OTOP3: variants seen among roughly 807,000 people sequenced by gnomAD.
The protein encoded by OTOP3 is proton channel OTOP3.
OTOP3 carries 41 observed loss-of-function variants against 50.8 expected under a neutral mutation model. The observed-to-expected ratio is 0.81, with a 90% CI of 0.63 to 1.05. OTOP3 has a LOEUF of 1.05. OTOP3 is among the 50% of genes least tolerant of loss of function. The pLI, the probability that OTOP3 is intolerant of heterozygous loss-of-function variation, is 0.00. For synonymous variants in OTOP3, 320 were observed against 324.4 expected (o/e 0.99, Z 0.14); for missense variants, 788 against 760.8 (o/e 1.04, Z -0.42).
At chr17:74,949,169 G>C in intron 6 of OTOP3, 77 bp from the exon 7 acceptor site, 1 of 1,499,244 alleles carries the variant, frequency 6.7e-7, no homozygotes. Context: ...CTGCAGGTTT[G>C]GGGGCTGCCT....
chr17:74,940,892 C>T (rs2144780637), intron 1 of OTOP3, among the ~76,000 whole-genome samples: 2 of 152,334 alleles, frequency 1.3e-5, no homozygotes, highest in South Asian at 4.1e-4. Flanking sequence ...CAAGCCCAGA[C>T]ACAGCCTCAG....
Position 74,947,279 on chromosome 17 carries a change from G to T in OTOP3, c.1370G>T (p.Arg457Leu), listed in dbSNP as rs201532058. ...TTCATCATCGAGGGCCTGCACCGGCGCCCACTCTGGGAGACAGTTCCCGAG... is the reference window on the plus strand; with the variant it reads ...TTCATCATCGAGGGCCTGCACCGGCTCCCACTCTGGGAGACAGTTCCCGAG... ...NLFIIEGLHR[R>L]PLWETVPEGL... The change falls in exon 6 of 7, where the codon CGC becomes CTC. Residue 457 changes from arginine (R) to leucine (L), a missense_variant. By Grantham distance (102) the Arg-to-Leu change is moderately radical (BLOSUM62 -2). Coordinates refer to ENST00000328801, the MANE Select transcript of OTOP3 (RefSeq NM_001272005.2). 1 of 1,613,422 alleles carries T rather than the reference G, an allele frequency of 6.2e-7. No homozygotes were observed. The highest frequency in any genetic ancestry group is 8.5e-7 in the Non-Finnish European group (1 of 1,179,822).
At chr17:74,944,569 G>A (rs1050240014) in intron 5 of OTOP3, among the ~76,000 whole-genome samples, 9 of 152,100 alleles carry the variant, frequency 5.9e-5, no homozygotes, top group East Asian at 1.9e-4. Context: ...CCAGCCTAGC[G>A]AACATGGCGA....
At chr17:74,941,030 C>T (rs549794116) in intron 1 of OTOP3, among the ~76,000 whole-genome samples, 27 of 152,320 alleles carry the variant, frequency 1.8e-4, no homozygotes, top group African/African-American at 6.3e-4. Context: ...AAGGACACCG[C>T]TGCCTTTTCA....
At chr17:74,936,301 C>T (rs1270222605) in intron 1 of OTOP3, among the ~76,000 whole-genome samples, 1 of 152,180 alleles carries the variant, frequency 6.6e-6, no homozygotes, top group African/African-American at 2.4e-5. Context: ...GCCCCGGCCC[C>T]GCAGTCCCTA....
chr17:74,944,585 C>T (rs565145461), intron 5 of OTOP3, among the ~76,000 whole-genome samples: 5 of 152,264 alleles, frequency 3.3e-5, no homozygotes, highest in African/African-American at 1.2e-4. Context: ...GGCGAAACCC[C>T]GTCTCTACTA....
Position 74,941,509 on chromosome 17 carries a change from C to A in OTOP3, c.136C>A (p.Arg46=), listed in dbSNP as rs1245348289. The change falls in exon 2 of 7, where the codon CGG becomes AGG. Residue 46 remains arginine (R), a synonymous_variant. Coordinates refer to ENST00000328801, the MANE Select transcript of OTOP3 (RefSeq NM_001272005.2). ...GGAGAGAGCGGCCGCCACCCGGCCC[C>A]GGCAGAAGTCCTGGCTGGTGAGGCA... ...AEERAAATRP[R]QKSWLVRHFS... The A allele has an allele frequency of 6.2e-7, 1 of 1,613,582 alleles. No homozygotes were observed. The highest frequency in any genetic ancestry group is 1.7e-5 in the Admixed American group (1 of 60,000).
upstream of OTOP3, chr17:74,935,836 C>A: frequency 1.3e-6 from 2 of 1,527,084 alleles, no homozygotes; most frequent in Middle Eastern, 1.7e-4. Flanking sequence ...GCTGCGCAGT[C>A]CCGCTGGGGG....
chr17:74,943,172 C>T, intron 3 of OTOP3, 114 bp from the exon 4 acceptor site: 1 of 936,876 alleles, frequency 1.1e-6, no homozygotes, highest in Non-Finnish European at 1.7e-6. Context: ...AAGATTCCGA[C>T]CCAGTCTTTC....
At chr17:74,940,654 C>T (rs187389134) in intron 1 of OTOP3, among the ~76,000 whole-genome samples, 5 of 152,240 alleles carry the variant, frequency 3.3e-5, no homozygotes, top group Admixed American at 6.5e-5. Context: ...AGGGGTTGCC[C>T]ACTCCTCATG....
At chr17:74,939,613 G>A (rs2039151137) in intron 1 of OTOP3, among the ~76,000 whole-genome samples, 1 of 152,170 alleles carries the variant, frequency 6.6e-6, no homozygotes, top group African/African-American at 2.4e-5. Flanking sequence ...CTTAGCAAGT[G>A]GTGACAAAGT....
At chr17:74,940,348 T>C (rs2039159695) in intron 1 of OTOP3, among the ~76,000 whole-genome samples, 1 of 151,952 alleles carries the variant, frequency 6.6e-6, no homozygotes, top group African/African-American at 2.4e-5. Flanking sequence ...CTAATTTTTT[T>C]TTAAAAAACT....
At chr17:74,941,351 G>C in intron 1 of OTOP3, 42 bp from the exon 2 acceptor site, 1 of 1,448,908 alleles carries the variant, frequency 6.9e-7, no homozygotes, top group Non-Finnish European at 9.1e-7. Flanking sequence ...TTGAACCCAG[G>C]ACAGCCTGGC....
intron 6 of OTOP3, among the ~76,000 whole-genome samples, chr17:74,947,966 G>A (rs1225396224): frequency 1.3e-5 from 2 of 152,174 alleles, no homozygotes; most frequent in African/African-American, 4.8e-5. Context: ...TATTGTACCT[G>A]CCCAAGTACC....
chr17:74,941,887 A>G lies in OTOP3; in HGVS notation c.437-14A>G. Reference sequence around the variant, plus strand: ...TCCGCGCAGGTGCCAACGCCCGCCCACATGTCCGGCCAGGTTCCCTAGTGC... The same window carrying G: ...TCCGCGCAGGTGCCAACGCCCGCCCGCATGTCCGGCCAGGTTCCCTAGTGC... On this transcript the variant is annotated splice_polypyrimidine_tract_variant and intron_variant, in intron 2 of 6. Coordinates refer to ENST00000328801, the MANE Select transcript of OTOP3 (RefSeq NM_001272005.2). The G allele has an allele frequency of 1.3e-6, 2 of 1,596,888 alleles. No homozygotes were observed. Among genetic ancestry groups the G allele is most frequent in the African/African-American group, 1.3e-5 (1 of 74,740 alleles).
At chr17:74,939,964 A>C (rs1344449848) in intron 1 of OTOP3, among the ~76,000 whole-genome samples, 3 of 151,954 alleles carry the variant, frequency 2.0e-5, no homozygotes, top group Non-Finnish European at 4.4e-5. Flanking sequence ...CTTGGAGTGC[A>C]GTGGTCCAAT....
intron 6 of OTOP3, among the ~76,000 whole-genome samples, chr17:74,948,349 C>A (rs1164757172): frequency 1.3e-5 from 2 of 152,026 alleles, no homozygotes; most frequent in Non-Finnish European, 2.9e-5. Flanking sequence ...CACAGGGAGA[C>A]CCTGTCTCTA....
intron 1 of OTOP3, among the ~76,000 whole-genome samples, chr17:74,938,171 C>T (rs1242326147): frequency 2.0e-5 from 3 of 152,232 alleles, no homozygotes; most frequent in African/African-American, 7.2e-5. Flanking sequence ...AGTGCTCCAT[C>T]TGCCCCAGAA....
In OTOP3 at chr17:74,949,423, C is replaced by G; in HGVS notation, c.*7C>G. On this transcript the variant is annotated 3_prime_UTR_variant, in exon 7 of 7. Coordinates refer to ENST00000328801, the MANE Select transcript of OTOP3 (RefSeq NM_001272005.2). ...GGTCTACCTGGGGGCCTGAGGCTGC[C>G]CACCCCCGGCAGAACCTCGAAGTGC... 6.2e-7 allele frequency: 1 copy of G among 1,610,960 alleles called. No homozygotes were observed.
Sources: gnomAD v4.1 joint callset for allele counts (sites outside exome capture counted in the v4.1 genomes callset) on GRCh38, gnomAD v4.1.1 for gene constraint, MANE v1.5 for transcripts, NCBI Gene and HGNC (gene_info 2026-07-23, HGNC 2026-07-21) for gene names.